NOMO1: variants seen among roughly 807,000 people sequenced by gnomAD.
NOMO1 encodes the protein nodal modulator 3.
NOMO1 carries 40 observed loss-of-function variants against 133.8 expected under a neutral mutation model. The ratio of observed to expected loss-of-function variants is 0.30; its 90% CI spans 0.23 to 0.39. NOMO1 has a LOEUF of 0.39. Among genes scored for constraint, NOMO1 ranks in the 10% least tolerant of loss-of-function variants. The pLI is 1.00. For synonymous variants in NOMO1, 236 were observed against 570.5 expected (o/e 0.41, Z 8.36); for missense variants, 462 against 1,419.9 (o/e 0.33, Z 10.84).
chr16:14,834,773 G>A (rs1261484180), intron 1 of NOMO1, among the ~76,000 whole-genome samples: 8 of 136,830 alleles, frequency 5.8e-5, no homozygotes, highest in African/African-American at 2.2e-4. Context: ...AAAGGTTCCC[G>A]TAAAGAGGAA....
chr16:14,846,928 T>C (rs1303037715), intron 5 of NOMO1, among the ~76,000 whole-genome samples: 1 of 150,562 alleles, frequency 6.6e-6, no homozygotes, highest in Non-Finnish European at 1.5e-5. Flanking sequence ...CATATTGGCT[T>C]GCGCCTATAA....
chr16:14,864,640 T>A lies in NOMO1; in HGVS notation c.1451T>A (p.Phe484Tyr). 2 of 1,613,014 alleles carry A rather than the reference T, an allele frequency of 1.2e-6. No homozygotes were observed. Among genetic ancestry groups the A allele is most frequent in the Non-Finnish European group, 1.7e-6 (2 of 1,179,702 alleles). Residue 484 changes from phenylalanine (F) to tyrosine (Y), a missense_variant, in exon 13 of 31, where the codon TTT becomes TAT. Transcript: ENST00000287667. ...GGGCTGACGTTGAAACCCCAGACAT[T>A]TCCTCTTACTGTGACCAACAGGCCC... Reference protein sequence around the residue: ...RAGLTLKPQTFPLTVTNRPMM... With the variant: ...RAGLTLKPQTYPLTVTNRPMM...
intron 18 of NOMO1, among the ~76,000 whole-genome samples, chr16:14,874,479 C>T (rs71222996): frequency 3.9e-5 from 6 of 152,046 alleles, no homozygotes; most frequent in Non-Finnish European, 7.4e-5. Context: ...CTTTGCTCAA[C>T]GTCACCTTAT....
intron 29 of NOMO1, among the ~76,000 whole-genome samples, chr16:14,892,312 C>T (rs550360455): frequency 2.4e-3 from 359 of 151,752 alleles, no homozygotes; most frequent in African/African-American, 8.2e-3. Flanking sequence ...TGGGGCTGCA[C>T]TGTGGCCCCA....
chr16:14,888,567 G>A (rs1964360706), intron 28 of NOMO1: 1 of 203,260 alleles, frequency 4.9e-6, no homozygotes, highest in African/African-American at 2.4e-5. Context: ...ACACAGAGCT[G>A]TGATGGGTCT....
In NOMO1 at chr16:14,857,640, A is replaced by T. The variant is rs560585315; in HGVS notation, c.1205A>T (p.Asp402Val). ...GCACCGAACACACCTCAGCTGGCTGACATTATTGCAACAGGGTAAGCTTAT... is the reference window on the plus strand; with the variant it reads ...GCACCGAACACACCTCAGCTGGCTGTCATTATTGCAACAGGGTAAGCTTAT... The part of the protein sequence containing the change: ...KIAPNTPQLA[D>V]IIATGFSVCG... Residue 402 changes from aspartate (D) to valine (V), a missense_variant, in exon 11 of 31, where the codon GAC becomes GTC. Coordinates refer to ENST00000287667, the MANE Select transcript of NOMO1 (RefSeq NM_014287.4). The T allele has an allele frequency of 5.9e-5, 95 of 1,613,730 alleles. 3 individuals carry two copies. The highest frequency in any genetic ancestry group is 1.1e-4 in the South Asian group (10 of 91,054).
rs1228640243 is a variant in NOMO1 at position 14,895,881 on chromosome 16, T to C, written c.*236T>C. 6.4e-7 allele frequency: 1 copy of C among 1,565,096 alleles called. No homozygotes were observed. Among genetic ancestry groups the C allele is most frequent in the Non-Finnish European group, 8.7e-7 (1 of 1,154,776 alleles). ...TCCTGTCACTCTGCTGAACAGAATTTATTTTCTGAGTCAAATATAATTTAT... is the reference window on the plus strand; with the variant it reads ...TCCTGTCACTCTGCTGAACAGAATTCATTTTCTGAGTCAAATATAATTTAT... On this transcript the variant is annotated 3_prime_UTR_variant, in exon 31 of 31. Transcript: ENST00000287667.
At chr16:14,856,766 G>A (rs2561961) in intron 9 of NOMO1, among the ~76,000 whole-genome samples, 40 of 151,960 alleles carry the variant, frequency 2.6e-4, no homozygotes, top group Non-Finnish European at 1.6e-4. Flanking sequence ...ACAGGAGGGG[G>A]CACGTGAGAC....
At chr16:14,882,840 T>C (rs924596545) in intron 26 of NOMO1, among the ~76,000 whole-genome samples, 163 bp downstream of exon 26, 7 of 152,008 alleles carry the variant, frequency 4.6e-5, no homozygotes, top group African/African-American at 1.7e-4. Flanking sequence ...CAGCATCTTA[T>C]GTGGGTTTTT....
chr16:14,833,902 CGCGGTGGTGCTGCT>C lies in NOMO1; in HGVS notation c.54_67del (p.Val19GlufsTer51). ...CGCTGGGGCCCGCGGTGGTCACCGC[CGCGGTGGTGCTGCT>C]GCTGAGCGGCGTGGGGCCGGCGCAC... On this transcript the variant is annotated frameshift_variant, in exon 1 of 31. Transcript: ENST00000287667. LOFTEE classifies it high-confidence loss of function. 1.4e-6 allele frequency: 1 copy of C among 708,656 alleles called. No homozygotes were observed. The highest frequency in any genetic ancestry group is 3.7e-5 in the East Asian group (1 of 27,264). 43.9% of individuals were successfully genotyped at this position (708,656 alleles called of 1,614,324 possible).
chr16:14,894,917 G>A lies in NOMO1; in HGVS notation c.3445-81G>A, dbSNP rs1176854677. The A allele has an allele frequency of 2.5e-6, 4 of 1,609,420 alleles. 1 individual carries two copies. In the Admixed American group the frequency reaches 6.7e-5, roughly 27 times the overall value. On this transcript the variant is annotated intron_variant, in intron 29 of 30. Coordinates refer to ENST00000287667, the MANE Select transcript of NOMO1 (RefSeq NM_014287.4). Reference sequence around the variant, plus strand: ...TCAAGTGGCCACTTTGGAAGGCTGGGTGGGTGGTGGCTGTGGCATTGTGGA... The same window carrying A: ...TCAAGTGGCCACTTTGGAAGGCTGGATGGGTGGTGGCTGTGGCATTGTGGA...
chr16:14,886,724 A>T, intron 27 of NOMO1, 37 bp from the exon 28 acceptor site: 1 of 1,610,370 alleles, frequency 6.2e-7, no homozygotes, highest in Non-Finnish European at 8.5e-7. Context: ...ATTGTGTTTC[A>T]GTTTCAAAGC....
Position 14,855,785 on chromosome 16 carries a change from C to T in NOMO1, c.964-1432C>T, listed in dbSNP as rs527421520. Among the ~76,000 whole-genome samples the T allele has an allele frequency of 4.0e-3, 609 of 152,010 alleles. 6 individuals carry two copies. The highest frequency in any genetic ancestry group is 0.014 in the African/African-American group (568 of 41,402). On this transcript the variant is annotated intron_variant, in intron 9 of 30. Transcript: ENST00000287667. The stretch of plus-strand genomic sequence containing the variant: ...CTGTAAGTTCCCTGAGGTCAGGTAC[C>T]GTGTCTTATTCTTTACTGTTTTCCT...
At position 14,881,504 on chromosome 16, in the gene NOMO1, C is replaced by T. The variant is rs200483179; in HGVS notation, c.2886-40C>T. ...GAAACACTTGGGTCCTTCAGATAAC[C>T]ATGAGAATATCTCATTCGTGCCTGT... On this transcript the variant is annotated intron_variant, in intron 24 of 30. Coordinates refer to ENST00000287667, the MANE Select transcript of NOMO1 (RefSeq NM_014287.4). 1,636 of 1,595,468 alleles carry T rather than the reference C, an allele frequency of 1.0e-3. 21 individuals carry two copies. In the East Asian group the frequency reaches 0.015, roughly 14 times the overall value.
chr16:14,885,519 A>C (rs920579673), intron 27 of NOMO1, among the ~76,000 whole-genome samples: 1 of 152,082 alleles, frequency 6.6e-6, no homozygotes, highest in Non-Finnish European at 1.5e-5. Flanking sequence ...GTTAAGATGC[A>C]CTTGTAATTT....
intron 4 of NOMO1, among the ~76,000 whole-genome samples, chr16:14,846,057 C>T (rs1380578325): frequency 7.2e-6 from 1 of 138,958 alleles, no homozygotes; most frequent in Non-Finnish European, 1.5e-5. Context: ...GATGGAGTCT[C>T]CCTCTGTCGC....
At chr16:14,866,513 G>C (rs1280232463) in intron 14 of NOMO1, 42 bp from the exon 15 acceptor site, 1 of 1,610,048 alleles carries the variant, frequency 6.2e-7, no homozygotes, top group African/African-American at 1.4e-5. Context: ...GAGGTGGTGT[G>C]CTCCACGCCC....
intron 1 of NOMO1, among the ~76,000 whole-genome samples, chr16:14,837,049 A>G (rs1476168947): frequency 6.6e-6 from 1 of 151,688 alleles, no homozygotes; most frequent in Non-Finnish European, 1.5e-5. Flanking sequence ...GCAGGGTCTC[A>G]CACTGTTGCT....
intron 11 of NOMO1, among the ~76,000 whole-genome samples, chr16:14,859,992 G>T (rs1963898794): frequency 6.6e-6 from 1 of 152,044 alleles, no homozygotes; most frequent in African/African-American, 2.4e-5. Flanking sequence ...GAGGAGGTGG[G>T]TGAGGTCAGG....
Sources: gnomAD v4.1 joint callset for allele counts (sites outside exome capture counted in the v4.1 genomes callset) on GRCh38, gnomAD v4.1.1 for gene constraint, MANE v1.5 for transcripts, NCBI Gene and HGNC (gene_info 2026-07-23, HGNC 2026-07-21) for gene names.